The following BTBD10 variants were observed in gnomAD, a reference collection of about 807,000 sequenced individuals.
The protein encoded by BTBD10 is BTB/POZ domain-containing protein 10.
A neutral mutation model predicts 53.2 loss-of-function variants in BTBD10; 21 were observed. The observed-to-expected ratio is 0.39, with a 90% CI of 0.28 to 0.57. The LOEUF (loss-of-function observed/expected upper bound fraction) is 0.57, where lower values mean the gene tolerates loss of function less well. BTBD10 is among the 20% of genes least tolerant of loss of function. The pLI, the probability that BTBD10 is intolerant of heterozygous loss-of-function variation, is 0.53. For synonymous variants in BTBD10, 149 were observed against 192.7 expected (o/e 0.77, Z 1.88); for missense variants, 360 against 594.7 (o/e 0.61, Z 4.10).
At chr11:13,456,109 C>A (rs1041948585) in intron 1 of BTBD10, among the ~76,000 whole-genome samples, 1 of 152,192 alleles carries the variant, frequency 6.6e-6, no homozygotes, top group Non-Finnish European at 1.5e-5. Context: ...AAACATTTTA[C>A]ACATCTTTGT....
intron 1 of BTBD10, among the ~76,000 whole-genome samples, chr11:13,453,894 A>C (rs1039045907): frequency 6.6e-6 from 1 of 152,140 alleles, no homozygotes; most frequent in Non-Finnish European, 1.5e-5. Flanking sequence ...GGTACTAAAA[A>C]TATAAAAATT....
intron 8 of BTBD10, 85 bp downstream of exon 8, chr11:13,403,083 C>A: frequency 2.3e-6 from 2 of 853,474 alleles, no homozygotes; most frequent in Non-Finnish European, 1.8e-6. Flanking sequence ...CAAAGTATTC[C>A]AACTGTATTC....
chr11:13,411,887 G>A (rs1455702144), intron 6 of BTBD10, among the ~76,000 whole-genome samples: 4 of 150,700 alleles, frequency 2.7e-5, no homozygotes, highest in African/African-American at 9.8e-5. Flanking sequence ...GCTGGAGTGC[G>A]ATGGCGCAAT....
chr11:13,393,109 A>G (rs187735810), intron 8 of BTBD10, among the ~76,000 whole-genome samples: 73 of 152,320 alleles, frequency 4.8e-4, no homozygotes, highest in African/African-American at 1.7e-3. Flanking sequence ...TTAGGTAAGA[A>G]TTATTTGTGC....
At chr11:13,453,195 T>A (rs1950898379) in intron 1 of BTBD10, among the ~76,000 whole-genome samples, 1 of 152,034 alleles carries the variant, frequency 6.6e-6, no homozygotes, top group Non-Finnish European at 1.5e-5. Flanking sequence ...CAGAAAATAT[T>A]TCAAAATATA....
chr11:13,390,449 T>C (rs980639389), intron 8 of BTBD10, among the ~76,000 whole-genome samples: 1 of 151,998 alleles, frequency 6.6e-6, no homozygotes, highest in Non-Finnish European at 1.5e-5. Context: ...GTTCAAGAGA[T>C]TCTCCTGCCT....
intron 8 of BTBD10, among the ~76,000 whole-genome samples, chr11:13,392,312 G>A (rs996373499): frequency 5.3e-5 from 8 of 152,132 alleles, no homozygotes; most frequent in African/African-American, 1.9e-4. Context: ...GCAGAAACAA[G>A]GGGAGTGCAA....
intron 6 of BTBD10, among the ~76,000 whole-genome samples, chr11:13,406,405 C>A (rs774910527): frequency 1.3e-5 from 2 of 152,152 alleles, no homozygotes; most frequent in Non-Finnish European, 2.9e-5. Context: ...AAATGCACAG[C>A]CACAAACTCA....
chr11:13,413,324 T>C (rs1174174608), intron 6 of BTBD10, among the ~76,000 whole-genome samples: 1 of 152,152 alleles, frequency 6.6e-6, no homozygotes, highest in Admixed American at 6.5e-5. Context: ...AGAAAATTAT[T>C]AAAATTGAAA....
intron 2 of BTBD10, among the ~76,000 whole-genome samples, chr11:13,439,047 C>T (rs949129119): frequency 1.3e-5 from 2 of 151,870 alleles, no homozygotes; most frequent in African/African-American, 2.4e-5. Flanking sequence ...AAAAGAACTT[C>T]CTGACACTTC....
chr11:13,440,004 G>A, intron 2 of BTBD10: 1 of 1,534,326 alleles, frequency 6.5e-7, no homozygotes, highest in Admixed American at 2.0e-5. Context: ...AGCATCCTTG[G>A]GCATTACTAG....
At chr11:13,432,523 T>C (rs1183702886) in intron 2 of BTBD10, among the ~76,000 whole-genome samples, 2 of 152,098 alleles carry the variant, frequency 1.3e-5, no homozygotes, top group Non-Finnish European at 2.9e-5. Context: ...TTGTGACATC[T>C]TGTAAATCTA....
At chr11:13,396,540 C>G (rs2135743738) in intron 8 of BTBD10, among the ~76,000 whole-genome samples, 1 of 152,280 alleles carries the variant, frequency 6.6e-6, no homozygotes, top group South Asian at 2.1e-4. Flanking sequence ...ATTTCCTTCT[C>G]CTGCTTAACT....
intron 8 of BTBD10, among the ~76,000 whole-genome samples, chr11:13,401,701 T>TAC (rs1949719151): frequency 6.6e-6 from 1 of 152,134 alleles, no homozygotes; most frequent in Non-Finnish European, 1.5e-5. Context: ...TACAGAGTAT[T>TAC]ACACTCACTA....
In BTBD10 at chr11:13,388,676, A is replaced by T; in HGVS notation, c.*155T>A. 1.3e-6 allele frequency: 1 copy of T among 750,648 alleles called. No individual in the cohort carries two copies. Among genetic ancestry groups the T allele is most frequent in the Admixed American group, 2.9e-5 (1 of 34,572 alleles). 46.5% of individuals were successfully genotyped at this position (750,648 alleles called of 1,614,324 possible). On this transcript the variant is annotated 3_prime_UTR_variant, in exon 9 of 9. Transcript: ENST00000278174. ...GTACTCATTTAAAAAAAAACCATTCAGCTACCTTTGGTCTTTAAAAAAGCC... is the reference window on the plus strand; with the variant it reads ...GTACTCATTTAAAAAAAAACCATTCTGCTACCTTTGGTCTTTAAAAAAGCC...
At chr11:13,434,846 C>T (rs574992887) in intron 2 of BTBD10, among the ~76,000 whole-genome samples, 33 of 152,146 alleles carry the variant, frequency 2.2e-4, no homozygotes, top group African/African-American at 8.0e-4. Flanking sequence ...GAAGAATATG[C>T]CTCTGAAATT....
chr11:13,453,534 A>G (rs1187504429), intron 1 of BTBD10, among the ~76,000 whole-genome samples: 1 of 152,244 alleles, frequency 6.6e-6, no homozygotes, highest in Non-Finnish European at 1.5e-5. Context: ...ATAGTGCTAT[A>G]GAAATTTTCT....
chr11:13,460,073 T>C (rs934669304), intron 1 of BTBD10, among the ~76,000 whole-genome samples: 3 of 152,200 alleles, frequency 2.0e-5, no homozygotes, highest in Admixed American at 2.0e-4. Context: ...TCCTCTTCTT[T>C]CATTTCCTAT....
At chr11:13,439,065 G>C (rs1342676400) in intron 2 of BTBD10, among the ~76,000 whole-genome samples, 6 of 152,046 alleles carry the variant, frequency 3.9e-5, no homozygotes, top group Non-Finnish European at 8.8e-5. Context: ...TTCAAGGAAA[G>C]AATGTTATAA....
Sources: allele counts gnomAD v4.1 joint callset (sites outside exome capture counted in the v4.1 genomes callset), GRCh38; gene constraint gnomAD v4.1.1; transcripts MANE v1.5; gene names NCBI Gene and HGNC (gene_info 2026-07-23, HGNC 2026-07-21).